The following ITPR2 variants were observed in gnomAD, a reference collection of about 807,000 sequenced individuals.
ITPR2 encodes inositol 1,4,5-trisphosphate receptor type 2, also known as inositol 1,4,5-trisphosphate-gated calcium channel ITPR2.
Under a neutral mutation model 317.1 loss-of-function variants are expected in ITPR2, and 207 were observed. The observed-to-expected ratio is 0.65, with a 90% confidence interval of 0.58 to 0.73. The LOEUF (loss-of-function observed/expected upper bound fraction) is 0.73, where lower values mean the gene tolerates loss of function less well. Ranked by LOEUF, ITPR2 falls within the 30% of genes least tolerant of loss-of-function variation. The pLI is 0.00. For synonymous variants in ITPR2, 1,156 were observed against 1,149.1 expected (o/e 1.01, Z -0.12); for missense variants, 2,613 against 3,284.0 (o/e 0.80, Z 4.99).
chr12:26,697,863 T>G, intron 9 of ITPR2, among the ~76,000 whole-genome samples: 1 of 151,596 alleles, frequency 6.6e-6, no homozygotes, highest in Non-Finnish European at 1.5e-5. Flanking sequence ...TAAGAGAAGT[T>G]ATGGAATTTC....
At chr12:26,670,948 A>C (rs1947754383) in intron 13 of ITPR2, among the ~76,000 whole-genome samples, 1 of 152,212 alleles carries the variant, frequency 6.6e-6, no homozygotes, top group Non-Finnish European at 1.5e-5. Flanking sequence ...AAAGGGTATC[A>C]GCAATGGAAG....
chr12:26,698,648 A>T (rs867529846), intron 9 of ITPR2, among the ~76,000 whole-genome samples: 1 of 152,246 alleles, frequency 6.6e-6, no homozygotes. Context: ...GAGGGTAAGA[A>T]GATACAGGTC....
chr12:26,632,344 C>A (rs1946773937), intron 21 of ITPR2, among the ~76,000 whole-genome samples: 1 of 152,134 alleles, frequency 6.6e-6, no homozygotes, highest in Non-Finnish European at 1.5e-5. Flanking sequence ...CAAATCAGGT[C>A]CTTCTGTAAC....
intron 9 of ITPR2, among the ~76,000 whole-genome samples, chr12:26,697,935 GCA>G (rs2136995097): frequency 6.6e-6 from 1 of 152,144 alleles, no homozygotes; most frequent in East Asian, 1.9e-4. Context: ...AGCACCAACA[GCA>G]CAGTTACAGA....
intron 1 of ITPR2, among the ~76,000 whole-genome samples, chr12:26,795,855 C>A (rs1000548284): frequency 6.6e-6 from 1 of 151,986 alleles, no homozygotes; most frequent in East Asian, 1.9e-4. Context: ...CGTGGTGGCA[C>A]GACCTGTAAT....
chr12:26,638,579 G>C (rs1946912979), intron 21 of ITPR2, among the ~76,000 whole-genome samples: 1 of 152,188 alleles, frequency 6.6e-6, no homozygotes, highest in African/African-American at 2.4e-5. Context: ...GTTTGGTTAA[G>C]TGATTATGCC....
chr12:26,362,997 T>C (rs1052406852), intron 55 of ITPR2, among the ~76,000 whole-genome samples: 5 of 152,172 alleles, frequency 3.3e-5, no homozygotes, highest in African/African-American at 9.7e-5. Flanking sequence ...ACGAGTCACG[T>C]AGATCAGGGC....
In ITPR2 at chr12:26,789,035, T is replaced by C. The variant is rs1277135160; in HGVS notation, c.163+1122A>G. Among the ~76,000 whole-genome samples, 4 of 152,164 alleles carry C rather than the reference T, an allele frequency of 2.6e-5. No individual in the cohort carries two copies. The East Asian group carries it at 5.8e-4, about 22-fold the overall frequency. On this transcript the variant is annotated intron_variant, in intron 2 of 56. Coordinates refer to ENST00000381340, the MANE Select transcript of ITPR2 (RefSeq NM_002223.4). ...TAAGTCCATCCTCAGTGGAAACTATTTACTGCAAGAAGACCTCACTTGCCC... is the reference window on the plus strand; with the variant it reads ...TAAGTCCATCCTCAGTGGAAACTATCTACTGCAAGAAGACCTCACTTGCCC...
intron 2 of ITPR2, among the ~76,000 whole-genome samples, chr12:26,765,678 T>C (rs1221642341): frequency 6.6e-6 from 1 of 152,150 alleles, no homozygotes; most frequent in African/African-American, 2.4e-5. Flanking sequence ...CTCACTTATT[T>C]AAAGTGTGTA....
chr12:26,592,123 T>C (rs1945725021), intron 32 of ITPR2, among the ~76,000 whole-genome samples: 1 of 152,188 alleles, frequency 6.6e-6, no homozygotes, highest in Non-Finnish European at 1.5e-5. Context: ...CTGGAGGTCA[T>C]TATGTTAAGT....
Position 26,742,161 on chromosome 12 carries a change from G to T in ITPR2, c.164-16396C>A, listed in dbSNP as rs186157940. Among the ~76,000 whole-genome samples, 10 of 152,276 alleles carry T rather than the reference G, an allele frequency of 6.6e-5. No homozygotes were observed. In the East Asian group the frequency reaches 1.7e-3, roughly 26 times the overall value. ...GGCCAGGTATTTACCAAAGAGAAAT[G>T]AGTGCTTTTGCCCACCAAAAGACAC... On this transcript the variant is annotated intron_variant, in intron 2 of 56. Coordinates refer to ENST00000381340, the MANE Select transcript of ITPR2 (RefSeq NM_002223.4).
chr12:26,586,277 T>G (rs924115516), intron 32 of ITPR2, among the ~76,000 whole-genome samples: 3 of 152,062 alleles, frequency 2.0e-5, no homozygotes, highest in Non-Finnish European at 2.9e-5. Context: ...CCCTAGTAGC[T>G]GGGACTACAG....
At chr12:26,434,186 T>TA (rs1941292462) in intron 48 of ITPR2, among the ~76,000 whole-genome samples, 1 of 152,122 alleles carries the variant, frequency 6.6e-6, no homozygotes, top group African/African-American at 2.4e-5. Flanking sequence ...GTGAGCTTAT[T>TA]AAAAAATACA....
intron 13 of ITPR2, among the ~76,000 whole-genome samples, 163 bp downstream of exon 13, chr12:26,681,707 TTCAC>T (rs1357794345): frequency 6.6e-6 from 1 of 152,186 alleles, no homozygotes; most frequent in Non-Finnish European, 1.5e-5. Context: ...TCTGACAAAT[TTCAC>T]TCACTCACTA....
At chr12:26,810,009 G>T (rs576739656) in intron 1 of ITPR2, among the ~76,000 whole-genome samples, 2 of 152,310 alleles carry the variant, frequency 1.3e-5, no homozygotes, top group Admixed American at 1.3e-4. Context: ...TACACTAAGG[G>T]CTTTGTCACT....
At chr12:26,585,311 T>A (rs1945496532) in intron 32 of ITPR2, among the ~76,000 whole-genome samples, 1 of 152,196 alleles carries the variant, frequency 6.6e-6, no homozygotes, top group Admixed American at 6.5e-5. Flanking sequence ...TCTCAAAAAA[T>A]AATCTCAGTG....
chr12:26,550,236 T>A lies in ITPR2; in HGVS notation c.5073+11A>T, dbSNP rs951467473. 6.7e-5 allele frequency: 81 copies of A among 1,213,244 alleles called. No individual in the cohort carries two copies. The highest frequency in any genetic ancestry group is 9.2e-5 in the African/African-American group (6 of 64,960). 75.2% of individuals were successfully genotyped at this position (1,213,244 alleles called of 1,614,324 possible). On this transcript the variant is annotated intron_variant, in intron 37 of 56. Coordinates refer to ENST00000381340, the MANE Select transcript of ITPR2 (RefSeq NM_002223.4). The stretch of plus-strand genomic sequence containing the variant: ...TTTATTTTTAAATAATAAAGTTTTT[T>A]AAAAAAATACCTCTTCCACAAAGCT...
chr12:26,659,401 T>G, intron 15 of ITPR2, 116 bp from the exon 16 acceptor site: 1 of 914,606 alleles, frequency 1.1e-6, no homozygotes, highest in Admixed American at 2.8e-5. Flanking sequence ...CTAAAAATTT[T>G]CTCAAAAGAA....
intron 55 of ITPR2, among the ~76,000 whole-genome samples, chr12:26,368,152 T>C (rs1439038527): frequency 1.3e-5 from 2 of 152,250 alleles, no homozygotes; most frequent in Admixed American, 1.3e-4. Context: ...TTCCCTATCA[T>C]TCTCTGGCTT....
Sources: gnomAD v4.1 joint callset for allele counts (sites outside exome capture counted in the v4.1 genomes callset) on GRCh38, gnomAD v4.1.1 for gene constraint, MANE v1.5 for transcripts, NCBI Gene and HGNC (gene_info 2026-07-23, HGNC 2026-07-21) for gene names.